PPP1R1C: variants seen among roughly 807,000 people sequenced by gnomAD.
PPP1R1C encodes the protein protein phosphatase 1 regulatory subunit 1C.
PPP1R1C carries 15 observed loss-of-function variants against 17.4 expected under a neutral mutation model. That is an observed-to-expected ratio of 0.86 (90% CI 0.58 to 1.33). PPP1R1C has a LOEUF of 1.33. PPP1R1C is among the 40% of genes most tolerant of loss of function. The pLI is 0.00. For missense variants in PPP1R1C, 143 were observed against 130.0 expected (o/e 1.10, Z -0.48); for synonymous variants, 35 against 43.1 (o/e 0.81, Z 0.73).
chr2:181,987,237 T>A (rs891616001), intron 1 of PPP1R1C, among the ~76,000 whole-genome samples: 2 of 151,966 alleles, frequency 1.3e-5, no homozygotes, highest in Non-Finnish European at 2.9e-5. Context: ...ATTCTGACAA[T>A]ACTATGCTCC....
At position 182,001,358 on chromosome 2, in the gene PPP1R1C, TAATGACCA is replaced by T. The variant is rs565002332; in HGVS notation, c.142+13461_142+13468del. Among the ~76,000 whole-genome samples the T allele has an allele frequency of 5.2e-3, 799 of 152,276 alleles. 8 individuals carry two copies. Among genetic ancestry groups the T allele is most frequent in the African/African-American group, 0.018 (760 of 41,570 alleles). On this transcript the variant is annotated intron_variant, in intron 2 of 4. Coordinates refer to ENST00000682840, the MANE Select transcript of PPP1R1C (RefSeq NM_001080545.3). ...ATTGAAAGACTGAGCGTGTTTTGTT[TAATGACCA>T]ATTTTATTCTTTTGCTGTCTTTAAA...
At chr2:182,072,387 G>A (rs1688165235) in intron 4 of PPP1R1C, among the ~76,000 whole-genome samples, 1 of 152,188 alleles carries the variant, frequency 6.6e-6, no homozygotes, top group African/African-American at 2.4e-5. Flanking sequence ...TAAAAAAGAT[G>A]TTTATAATAC....
At chr2:182,094,568 G>A (rs1688876161) in intron 4 of PPP1R1C, among the ~76,000 whole-genome samples, 1 of 152,120 alleles carries the variant, frequency 6.6e-6, no homozygotes, top group Admixed American at 6.5e-5. Context: ...TGTGATGCTG[G>A]GCAGTGGCAG....
intron 2 of PPP1R1C, among the ~76,000 whole-genome samples, chr2:182,039,883 T>C (rs376523603): frequency 6.6e-6 from 1 of 152,184 alleles, no homozygotes; most frequent in South Asian, 2.1e-4. Context: ...TTATCTCCAA[T>C]TATAAATGAG....
chr2:182,100,536 T>G (rs1314988829), intron 4 of PPP1R1C, among the ~76,000 whole-genome samples: 2 of 147,166 alleles, frequency 1.4e-5, no homozygotes, highest in Non-Finnish European at 3.0e-5. Context: ...ACGGGGAGAA[T>G]GCAAAAGTTA....
At chr2:182,076,533 A>G (rs1428181448) in intron 4 of PPP1R1C, among the ~76,000 whole-genome samples, 1 of 150,334 alleles carries the variant, frequency 6.7e-6, no homozygotes, top group Admixed American at 6.6e-5. Flanking sequence ...GGGAAAGAGC[A>G]TTGGATCTGT....
upstream of PPP1R1C, among the ~76,000 whole-genome samples, chr2:181,982,351 T>C (rs1685208970): frequency 6.6e-6 from 1 of 152,126 alleles, no homozygotes; most frequent in African/African-American, 2.4e-5. Flanking sequence ...CCATAGTCTT[T>C]TGGAAAATTC....
At chr2:182,116,598 T>G (rs1432147298) in intron 4 of PPP1R1C, among the ~76,000 whole-genome samples, 1 of 152,170 alleles carries the variant, frequency 6.6e-6, no homozygotes, top group African/African-American at 2.4e-5. Context: ...CAGGAAAGGC[T>G]GGTGAGAAAT....
At chr2:182,118,169 A>C (rs1233865228), downstream of PPP1R1C, among the ~76,000 whole-genome samples, 1 of 152,146 alleles carries the variant, frequency 6.6e-6, no homozygotes, top group Non-Finnish European at 1.5e-5. Flanking sequence ...TTAATTAAAC[A>C]AATATCTTTT....
intron 4 of PPP1R1C, among the ~76,000 whole-genome samples, chr2:182,081,837 G>C (rs1045582047): frequency 5.9e-5 from 9 of 152,064 alleles, no homozygotes; most frequent in African/African-American, 2.2e-4. Context: ...TTTCACTATG[G>C]ATATAGATTT....
At chr2:182,036,040 C>T (rs1686995019) in intron 2 of PPP1R1C, among the ~76,000 whole-genome samples, 1 of 152,126 alleles carries the variant, frequency 6.6e-6, no homozygotes, top group South Asian at 2.1e-4. Flanking sequence ...GGGATTGTGA[C>T]TGAGCAGCAG....
Position 182,092,962 on chromosome 2 carries a change from C to G in PPP1R1C, c.242-24245C>G, listed in dbSNP as rs568671400. The stretch of plus-strand genomic sequence containing the variant: ...ATTCTGGGGTCTGAAGGACGGTGGC[C>G]CTCTTCTGACAGCTCCACTAGTTGA... On this transcript the variant is annotated intron_variant, in intron 4 of 4. Coordinates refer to ENST00000682840, the MANE Select transcript of PPP1R1C (RefSeq NM_001080545.3). Among the ~76,000 whole-genome samples the G allele has an allele frequency of 4.1e-4, 63 of 152,294 alleles. No individual in the cohort carries two copies. The East Asian group carries it at 0.01, about 24-fold the overall frequency.
rs1319925818 is a variant in PPP1R1C at position 182,076,181 on chromosome 2, C to CT, written c.241+12400dup. Among the ~76,000 whole-genome samples, 29 of 47,520 alleles carry CT rather than the reference C, an allele frequency of 6.1e-4. 4 individuals carry two copies. Among genetic ancestry groups the CT allele is most frequent in the African/African-American group, 2.3e-3 (27 of 11,600 alleles). 31.2% of individuals were successfully genotyped at this position (47,520 alleles called of 152,430 possible). On this transcript the variant is annotated intron_variant, in intron 4 of 4. Transcript: ENST00000682840. ...TTATCTATAAATCAAGGATTTTGAA[C>CT]TTTTTTTTTTCTTTTCTTTTTTTTT...
At chr2:182,093,355 C>T (rs1688842894) in intron 4 of PPP1R1C, among the ~76,000 whole-genome samples, 1 of 152,106 alleles carries the variant, frequency 6.6e-6, no homozygotes, top group East Asian at 1.9e-4. Flanking sequence ...ACCACTTTTT[C>T]CTCCAGGAAA....
In PPP1R1C at chr2:182,035,751, C is replaced by T. The variant is rs933626547; in HGVS notation, c.143-25691C>T. Among the ~76,000 whole-genome samples, 3 of 152,276 alleles carry T rather than the reference C, an allele frequency of 2.0e-5. No individual in the cohort carries two copies. In the East Asian group the frequency reaches 5.8e-4, roughly 29 times the overall value. On this transcript the variant is annotated intron_variant, in intron 2 of 4. Transcript: ENST00000682840. ...TGTAAGTTTCCCGAGGCCTCCTCAG[C>T]CATGCCTCCTGTGCAGCCTATGGAA...
chr2:182,116,596 G>T (rs118073570), intron 4 of PPP1R1C, among the ~76,000 whole-genome samples: 4 of 152,176 alleles, frequency 2.6e-5, no homozygotes, highest in Admixed American at 2.0e-4. Context: ...AGCAGGAAAG[G>T]CTGGTGAGAA....
At chr2:182,035,002 G>A (rs1686959308) in intron 2 of PPP1R1C, among the ~76,000 whole-genome samples, 1 of 152,222 alleles carries the variant, frequency 6.6e-6, no homozygotes, top group Non-Finnish European at 1.5e-5. Flanking sequence ...AAAGGACTGT[G>A]TCTGATTGCA....
At chr2:182,047,099 T>C (rs1687370763) in intron 2 of PPP1R1C, among the ~76,000 whole-genome samples, 1 of 152,208 alleles carries the variant, frequency 6.6e-6, no homozygotes, top group Non-Finnish European at 1.5e-5. Context: ...CCTGTCATCA[T>C]CATTCAAATT....
intron 2 of PPP1R1C, among the ~76,000 whole-genome samples, chr2:182,022,168 C>T (rs948839444): frequency 5.9e-5 from 9 of 152,086 alleles, no homozygotes; most frequent in Admixed American, 4.6e-4. Flanking sequence ...TTAAAGAAAC[C>T]ACTACATGCT....
Sources: gnomAD v4.1 joint callset for allele counts (sites outside exome capture counted in the v4.1 genomes callset) on GRCh38, gnomAD v4.1.1 for gene constraint, MANE v1.5 for transcripts, NCBI Gene and HGNC (gene_info 2026-07-23, HGNC 2026-07-21) for gene names.